The following TNFAIP2 variants were observed in gnomAD, a reference collection of about 807,000 sequenced individuals.
The protein encoded by TNFAIP2 is TNF alpha induced protein 2.
TNFAIP2 carries 47 observed loss-of-function variants against 63.5 expected under a neutral mutation model. The observed-to-expected ratio is 0.74, with a 90% CI of 0.59 to 0.94. The LOEUF (loss-of-function observed/expected upper bound fraction) is 0.94. TNFAIP2 is among the 40% of genes least tolerant of loss of function. TNFAIP2 has a pLI of 0.00. For synonymous variants in TNFAIP2, 405 were observed against 390.2 expected, an observed-to-expected ratio of 1.04 and a Z score of -0.45; for missense variants, 787 against 850.2, an observed-to-expected ratio of 0.93 and a Z score of 0.92.
chr14:103,130,353 G>A lies in TNFAIP2; in HGVS notation c.1137G>A (p.Thr379=), dbSNP rs761684981. ...SQAQAKAESI[T]LDLGSQIKRV... is the part of the protein sequence containing the mutation. ...CCCAGGCCAAGGCCGAGAGCATCACGCTGGACTTGGGCTCACAGATAAAGC... is the reference window on the plus strand; with the variant it reads ...CCCAGGCCAAGGCCGAGAGCATCACACTGGACTTGGGCTCACAGATAAAGC... Residue 379 remains threonine (T), a synonymous_variant, in exon 6 of 12, where the codon ACG becomes ACA. Transcript: ENST00000560869. The A allele has an allele frequency of 2.6e-6, 4 of 1,568,514 alleles. No homozygotes were observed. In the South Asian group the frequency reaches 4.7e-5, roughly 18 times the overall value.
chr14:103,126,726 G>T (rs767197630), intron 2 of TNFAIP2, 34 bp downstream of exon 2: 1 of 1,548,418 alleles, frequency 6.5e-7, no homozygotes, highest in Non-Finnish European at 8.7e-7. Context: ...GCTAGTCTGG[G>T]GCCTGGACGG....
rs184165585 is a variant in TNFAIP2, at chr14:103,137,402, G to T, written c.*2042G>T. 1 of 152,344 alleles carries T rather than the reference G, an allele frequency of 6.6e-6. No individual in the cohort carries two copies. Among genetic ancestry groups the T allele is most frequent in the African/African-American group, 2.4e-5 (1 of 41,566 alleles). The allele number at this position is 152,344 out of a possible 1,614,324, so 9.4% of individuals were successfully genotyped here. On this transcript the variant is annotated 3_prime_UTR_variant, in exon 12 of 12. Transcript: ENST00000560869. ...TTGTATGTATGTTGAACAGGATCCA[G>T]GTTTTTATAGCTTGATATAAAACAG...
intron 1 of TNFAIP2, among the ~76,000 whole-genome samples, chr14:103,124,194 C>T (rs981399123): frequency 2.0e-5 from 3 of 152,222 alleles, no homozygotes; most frequent in Admixed American, 6.5e-5. Context: ...CAGCTAGGCG[C>T]CCAGCACTTG....
intron 11 of TNFAIP2, among the ~76,000 whole-genome samples, chr14:103,134,455 TCCACCCACCCAC>T (rs948414531): frequency 6.8e-6 from 1 of 147,070 alleles, no homozygotes; most frequent in Non-Finnish European, 1.5e-5. Flanking sequence ...TGTCTACCCA[TCCACCCACCCAC>T]CCACCCACCC....
chr14:103,122,803 T>C, upstream of TNFAIP2: 1 of 453,534 alleles, frequency 2.2e-6, no homozygotes, highest in Non-Finnish European at 4.4e-6. Flanking sequence ...CCCATAGGCC[T>C]GGCTAGGAAC....
rs2088104667 is a variant in TNFAIP2 at position 103,136,890 on chromosome 14, ATTAGCCACC to A, written c.*1535_*1543del. On this transcript the variant is annotated 3_prime_UTR_variant, in exon 12 of 12. Transcript: ENST00000560869. ...CGTCTTTCTATTTTCAGGTCAGCTGATTAGCCACCTTAGTTCCATCTGCAACTTTAGTTC... is the reference window on the plus strand; with the variant it reads ...CGTCTTTCTATTTTCAGGTCAGCTGATTAGTTCCATCTGCAACTTTAGTTC... The A allele has an allele frequency of 6.6e-6, 1 of 152,200 alleles. No homozygotes were observed. The highest frequency in any genetic ancestry group is 1.5e-5 in the Non-Finnish European group (1 of 68,048). The allele number at this position is 152,200 out of a possible 1,614,324, so 9.4% of individuals were successfully genotyped here.
chr14:103,127,027 G>A lies in TNFAIP2; in HGVS notation c.258G>A (p.Leu86=). The A allele has an allele frequency of 8.5e-7, 1 of 1,178,700 alleles. No individual in the cohort carries two copies. Among genetic ancestry groups the A allele is most frequent in the Non-Finnish European group, 1.1e-6 (1 of 951,670 alleles). The allele number at this position is 1,178,700 out of a possible 1,614,324, so 73.0% of individuals were successfully genotyped here. A position where few individuals can be genotyped will look rare whatever the true frequency, so the allele number is the denominator to read the frequency against. The change falls in exon 3 of 12, where the codon CTG becomes CTA. Residue 86 remains leucine (L), a synonymous_variant. Transcript: ENST00000560869. This position sits in a 1 kb window ranked among gnomAD's most constrained non-coding sequence, Gnocchi z 5.1. ...CAGTGGAGGAGCTGAAGGCGGCGCT[G>A]GAGCGCGGGCAGCTGGAGGCGGCGC... is the stretch of plus-strand genomic sequence containing the variant. ...PPTVEELKAA[L]ERGQLEAARP... is the part of the protein sequence containing the mutation.
At chr14:103,122,237 A>G (rs1316577863), upstream of TNFAIP2, among the ~76,000 whole-genome samples, 1 of 152,180 alleles carries the variant, frequency 6.6e-6, no homozygotes, top group Non-Finnish European at 1.5e-5. Context: ...TCCGAGTGCA[A>G]ACCTGGCGCT....
chr14:103,132,663 G>C, intron 8 of TNFAIP2, 87 bp from the exon 9 acceptor site: 12 of 1,529,456 alleles, frequency 7.8e-6, no homozygotes, highest in Non-Finnish European at 1.1e-5. Flanking sequence ...GTGTCGGTGT[G>C]TGTCTGTGTC....
At chr14:103,132,954 T>G (rs1303952653) in intron 9 of TNFAIP2, 82 bp downstream of exon 9, 9 of 1,576,992 alleles carry the variant, frequency 5.7e-6, no homozygotes, top group Non-Finnish European at 7.8e-6. Flanking sequence ...CTGTGTACAC[T>G]CACGCACATG....
chr14:103,129,661 G>A (rs2087929466), intron 3 of TNFAIP2, 79 bp from the exon 4 acceptor site: 8 of 1,382,720 alleles, frequency 5.8e-6, no homozygotes, highest in Non-Finnish European at 8.2e-6. Context: ...AGAGACCAAG[G>A]CTGAGGGCCT....
At chr14:103,133,312 G>A (rs2088025003) in intron 9 of TNFAIP2, 50 bp from the exon 10 acceptor site, 9 of 1,590,402 alleles carry the variant, frequency 5.7e-6, no homozygotes, top group Non-Finnish European at 7.7e-6. Flanking sequence ...GAGGTGGCGA[G>A]CTCCCCATCA....
At chr14:103,124,770 C>T (rs1011531452) in intron 1 of TNFAIP2, among the ~76,000 whole-genome samples, 1 of 152,228 alleles carries the variant, frequency 6.6e-6, no homozygotes, top group Admixed American at 6.5e-5. Flanking sequence ...CTGGGGCTCC[C>T]TGGAGCATGC....
chr14:103,133,571 C>T lies in TNFAIP2; in HGVS notation c.1701+54C>T, dbSNP rs1211151618. 5 of 1,597,260 alleles carry T rather than the reference C, an allele frequency of 3.1e-6. No individual in the cohort carries two copies. The African/African-American group carries it at 5.4e-5, about 17-fold the overall frequency. Reference sequence around the variant, plus strand: ...CCTCTGAAATGGCTGCCTCTTCTCCCCTAGCCCTTTCAGGGTCGGAGATAG... The same window carrying T: ...CCTCTGAAATGGCTGCCTCTTCTCCTCTAGCCCTTTCAGGGTCGGAGATAG... On this transcript the variant is annotated intron_variant, in intron 10 of 11. Coordinates refer to ENST00000560869, the MANE Select transcript of TNFAIP2 (RefSeq NM_006291.4).
At chr14:103,132,561 G>A (rs903954755) in intron 8 of TNFAIP2, 189 bp from the exon 9 acceptor site, 25 of 813,414 alleles carry the variant, frequency 3.1e-5, no homozygotes, top group South Asian at 1.3e-4. Flanking sequence ...GCACAGAGCC[G>A]GCTCCCACTT....
At chr14:103,125,951 T>C (rs2087843863) in intron 1 of TNFAIP2, among the ~76,000 whole-genome samples, 1 of 152,116 alleles carries the variant, frequency 6.6e-6, no homozygotes, top group African/African-American at 2.4e-5. Flanking sequence ...TAGGGTCCCG[T>C]GGGATCCAGG....
chr14:103,131,047 G>T lies in TNFAIP2; in HGVS notation c.1200-5G>T, dbSNP rs375551997. Reference sequence around the variant, plus strand: ...TCCTGAATGTGCCCCTTCTGGTTTCGCCAGCTACCAGCGCGCCTTTAATGA... The same window carrying T: ...TCCTGAATGTGCCCCTTCTGGTTTCTCCAGCTACCAGCGCGCCTTTAATGA... On this transcript the variant is annotated splice_polypyrimidine_tract_variant and splice_region_variant and intron_variant, in intron 6 of 11. Coordinates refer to ENST00000560869, the MANE Select transcript of TNFAIP2 (RefSeq NM_006291.4). This position sits in a 1 kb window ranked among gnomAD's most constrained non-coding sequence, Gnocchi z 4.0. The T allele has an allele frequency of 5.6e-6, 9 of 1,613,892 alleles. No individual in the cohort carries two copies. The South Asian group carries it at 9.9e-5, about 18-fold the overall frequency.
chr14:103,122,538 C>T (rs1216152639), upstream of TNFAIP2: 1 of 402,254 alleles, frequency 2.5e-6, no homozygotes, highest in Non-Finnish European at 5.1e-6. Context: ...AAGTGAATCT[C>T]CAGTGGGTTC....
chr14:103,135,726 C>G lies in TNFAIP2; in HGVS notation c.*366C>G, dbSNP rs935157293. ...AGCCCCTCCACAGTCGGCCTCATGACTGTCCTCCTCGTGGGTGGGGCCGAG... is the reference window on the plus strand; with the variant it reads ...AGCCCCTCCACAGTCGGCCTCATGAGTGTCCTCCTCGTGGGTGGGGCCGAG... On this transcript the variant is annotated 3_prime_UTR_variant, in exon 12 of 12. Coordinates refer to ENST00000560869, the MANE Select transcript of TNFAIP2 (RefSeq NM_006291.4). This position sits in a 1 kb window ranked among gnomAD's most constrained non-coding sequence, Gnocchi z 7.6. 8.0e-7 allele frequency: 1 copy of G among 1,255,274 alleles called. No individual in the cohort carries two copies. Among genetic ancestry groups the G allele is most frequent in the Non-Finnish European group, 1.0e-6 (1 of 977,912 alleles). The allele number at this position is 1,255,274 out of a possible 1,614,324, so 77.8% of individuals were successfully genotyped here. A position where few individuals can be genotyped will look rare whatever the true frequency, so the allele number is the denominator to read the frequency against.
Sources: allele counts gnomAD v4.1 joint callset (sites outside exome capture counted in the v4.1 genomes callset), GRCh38; gene constraint gnomAD v4.1.1; non-coding constraint Gnocchi (gnomAD v3.1); transcripts MANE v1.5; gene names NCBI Gene and HGNC (gene_info 2026-07-23, HGNC 2026-07-21).